TTC7B: variants seen among roughly 807,000 people sequenced by gnomAD.
TTC7B encodes tetratricopeptide repeat domain 7B, also known as tetratricopeptide repeat protein 7B.
Under a neutral mutation model 106.8 loss-of-function variants are expected in TTC7B, and 28 were observed. That is an observed-to-expected ratio of 0.26 (90% confidence interval 0.19 to 0.36). The LOEUF is 0.36. TTC7B is among the 10% of genes least tolerant of loss of function. The pLI is 1.00. For synonymous variants in TTC7B, 405 were observed against 430.6 expected (o/e 0.94, Z 0.74); for missense variants, 862 against 1,076.4 (o/e 0.80, Z 2.79).
intron 5 of TTC7B, among the ~76,000 whole-genome samples, chr14:90,708,616 C>T (rs973097553): frequency 2.0e-5 from 3 of 152,200 alleles, no homozygotes; most frequent in Non-Finnish European, 4.4e-5. Flanking sequence ...TATTACTGCT[C>T]ATTGACAATG....
chr14:90,558,489 C>T (rs976080449), intron 19 of TTC7B, among the ~76,000 whole-genome samples: 3 of 152,280 alleles, frequency 2.0e-5, no homozygotes, highest in Admixed American at 6.5e-5. Flanking sequence ...CTACCTGCCA[C>T]GGCGAGTCCG....
intron 5 of TTC7B, among the ~76,000 whole-genome samples, chr14:90,728,578 A>T (rs1195500769): frequency 6.6e-6 from 1 of 152,206 alleles, no homozygotes; most frequent in East Asian, 1.9e-4. Flanking sequence ...CAAACCTCTC[A>T]TTATTATTTT....
chr14:90,701,193 C>T (rs549311911), intron 5 of TTC7B, among the ~76,000 whole-genome samples: 89 of 152,190 alleles, frequency 5.8e-4, no homozygotes, highest in African/African-American at 2.0e-3. Flanking sequence ...AACAAGCAGG[C>T]GAGGCTTCCG....
Position 90,536,693 on chromosome 14 carries a change from T to G in TTC7B, c.*4675A>C, listed in dbSNP as rs1377231889. On this transcript the variant is annotated 3_prime_UTR_variant, in exon 20 of 20. Coordinates refer to ENST00000328459, the MANE Select transcript of TTC7B (RefSeq NM_001010854.2). The stretch of plus-strand genomic sequence containing the variant: ...TCGCCACTTCCTCCACGCCCCTTGG[T>G]CTAAGCACCATGGTCGCTGTGTGAC... The G allele has an allele frequency of 6.6e-6, 1 of 152,282 alleles. No individual in the cohort carries two copies. Among genetic ancestry groups the G allele is most frequent in the Non-Finnish European group, 1.5e-5 (1 of 68,130 alleles). The allele number at this position is 152,282 out of a possible 1,614,324, so 9.4% of individuals were successfully genotyped here. A position where few individuals can be genotyped will look rare whatever the true frequency, so the allele number is the denominator to read the frequency against.
At chr14:90,610,585 A>G (rs1892829433) in intron 17 of TTC7B, among the ~76,000 whole-genome samples, 157 bp downstream of exon 17, 1 of 152,174 alleles carries the variant, frequency 6.6e-6, no homozygotes, top group Non-Finnish European at 1.5e-5. Context: ...ACACTTGAGA[A>G]AGACACTGGA....
rs143510953 is a variant in TTC7B at position 90,809,057 on chromosome 14, A to G, written c.121+7118T>C. Among the ~76,000 whole-genome samples, 663 of 152,278 alleles carry G rather than the reference A, an allele frequency of 4.4e-3. 2 individuals are homozygous for G. The highest frequency in any genetic ancestry group is 0.015 in the African/African-American group (637 of 41,548). The stretch of plus-strand genomic sequence containing the variant: ...CCAGAGAAGGGCTGCTCCAGGCCCA[A>G]TTGCCATCAGCAGCCTGGTGATATA... On this transcript the variant is annotated intron_variant, in intron 1 of 19. Transcript: ENST00000328459.
chr14:90,741,348 C>G (rs778783762), intron 4 of TTC7B, among the ~76,000 whole-genome samples: 9 of 152,194 alleles, frequency 5.9e-5, no homozygotes, highest in Non-Finnish European at 1.2e-4. Flanking sequence ...TCTCCAAAAA[C>G]CCTCCCCAAA....
chr14:90,554,945 C>T (rs534695649), intron 19 of TTC7B, among the ~76,000 whole-genome samples: 7 of 152,210 alleles, frequency 4.6e-5, no homozygotes, highest in South Asian at 2.1e-4. Flanking sequence ...AATGATGTGG[C>T]GCAGGCTCCT....
At chr14:90,642,499 T>G (rs537004833) in intron 15 of TTC7B, 2 of 152,340 alleles carry the variant, frequency 1.3e-5, no homozygotes, top group African/African-American at 4.8e-5. Context: ...TTCTTTCCCT[T>G]CTCCCCAACC....
rs1425071728 is a variant in TTC7B, at chr14:90,529,527, T to C, written c.*11841A>G. 1 of 152,204 alleles carries C rather than the reference T, an allele frequency of 6.6e-6. No homozygotes were observed. Among genetic ancestry groups the C allele is most frequent in the African/African-American group, 2.4e-5 (1 of 41,442 alleles). The allele number at this position is 152,204 out of a possible 1,614,324, so 9.4% of individuals were successfully genotyped here. A position where few individuals can be genotyped will look rare whatever the true frequency, so the allele number is the denominator to read the frequency against. ...TAATCAGAGATGCTAGGAGAAAACA[T>C]GAGCATGTGAGTGGCTAAGAGTATG... On this transcript the variant is annotated 3_prime_UTR_variant, in exon 20 of 20. Coordinates refer to ENST00000328459, the MANE Select transcript of TTC7B (RefSeq NM_001010854.2).
chr14:90,527,171 G>A lies in TTC7B; in HGVS notation c.*14197C>T, dbSNP rs1248248706. 6.6e-6 allele frequency: 1 copy of A among 151,824 alleles called. No individual in the cohort carries two copies. Among genetic ancestry groups the A allele is most frequent in the East Asian group, 1.9e-4 (1 of 5,184 alleles). 9.4% of individuals were successfully genotyped at this position (151,824 alleles called of 1,614,324 possible). A position where few individuals can be genotyped will look rare whatever the true frequency, so the allele number is the denominator to read the frequency against. On this transcript the variant is annotated 3_prime_UTR_variant, in exon 20 of 20. Transcript: ENST00000328459. ...TGCCCTGCTCACCCCATCATATCTG[G>A]GGGTACCTGGTATTCACACGACTCA...
At chr14:90,766,135 GTT>G (rs3085720) in intron 3 of TTC7B, among the ~76,000 whole-genome samples, 6 of 143,434 alleles carry the variant, frequency 4.2e-5, no homozygotes, top group African/African-American at 5.1e-5. Context: ...AGCCTACAAC[GTT>G]TTTTTTTTTT....
chr14:90,800,568 T>C (rs2030194125), intron 1 of TTC7B, among the ~76,000 whole-genome samples: 1 of 151,846 alleles, frequency 6.6e-6, no homozygotes, highest in South Asian at 2.1e-4. Context: ...TCCCAGCACT[T>C]TGGGAGGCCG....
At chr14:90,705,908 GC>G (rs746758850) in intron 5 of TTC7B, among the ~76,000 whole-genome samples, 4 of 152,014 alleles carry the variant, frequency 2.6e-5, no homozygotes, top group Non-Finnish European at 5.9e-5. Flanking sequence ...TTTCCCACTG[GC>G]TAGAAAACTG....
chr14:90,601,067 T>C (rs954083034), intron 17 of TTC7B, among the ~76,000 whole-genome samples: 1 of 152,198 alleles, frequency 6.6e-6, no homozygotes, highest in African/African-American at 2.4e-5. Flanking sequence ...TGTTGGCTTG[T>C]CAGTCTCCTA....
chr14:90,598,254 G>A (rs1030465742), intron 17 of TTC7B, among the ~76,000 whole-genome samples: 6 of 152,226 alleles, frequency 3.9e-5, no homozygotes, highest in South Asian at 2.1e-4. Context: ...CAGGTCTGTC[G>A]TCAAACGGCC....
Position 90,757,685 on chromosome 14 carries a change from C to T in TTC7B, c.446-12763G>A, listed in dbSNP as rs1029281120. Among the ~76,000 whole-genome samples the T allele has an allele frequency of 6.6e-6, 1 of 152,180 alleles. No homozygotes were observed. The highest frequency in any genetic ancestry group is 1.5e-5 in the Non-Finnish European group (1 of 68,036). On this transcript the variant is annotated intron_variant, in intron 3 of 19. Transcript: ENST00000328459. This position sits in a 1 kb window ranked among gnomAD's most constrained non-coding sequence, Gnocchi z 4.1. ...GGGGAAAAGGCAATGTCAGTGGTCACTTGTCTGTCCTACGGCTCTAGGATG... is the reference window on the plus strand; with the variant it reads ...GGGGAAAAGGCAATGTCAGTGGTCATTTGTCTGTCCTACGGCTCTAGGATG...
chr14:90,732,024 A>G (rs1026009442), intron 4 of TTC7B, among the ~76,000 whole-genome samples: 4 of 152,220 alleles, frequency 2.6e-5, no homozygotes, highest in Non-Finnish European at 4.4e-5. Flanking sequence ...TCACAATTCC[A>G]TCACACAAAA....
At chr14:90,576,438 GA>G (rs1891265635) in intron 19 of TTC7B, among the ~76,000 whole-genome samples, 1 of 152,190 alleles carries the variant, frequency 6.6e-6, no homozygotes, top group Admixed American at 6.5e-5. Flanking sequence ...AGGGAAGTTG[GA>G]AAAAATTAAG....
Sources: allele counts gnomAD v4.1 joint callset (sites outside exome capture counted in the v4.1 genomes callset), GRCh38; gene constraint gnomAD v4.1.1; non-coding constraint Gnocchi (gnomAD v3.1); transcripts MANE v1.5; gene names NCBI Gene and HGNC (gene_info 2026-07-23, HGNC 2026-07-21).